The following UBE3C variants were observed in gnomAD, a reference collection of about 807,000 sequenced individuals.
UBE3C encodes ubiquitin-protein ligase E3C.
In UBE3C, 42 loss-of-function variants were observed where a neutral mutation model predicts 129.4. The observed-to-expected ratio is 0.32, with a 90% CI of 0.25 to 0.42. The LOEUF (loss-of-function observed/expected upper bound fraction) is 0.42, where lower values mean the gene tolerates loss of function less well. Ranked by LOEUF, UBE3C falls within the 10% of genes least tolerant of loss-of-function variation. The pLI, the probability that UBE3C is intolerant of heterozygous loss-of-function variation, is 1.00. For missense variants in UBE3C, 1,049 were observed against 1,319.1 expected, an observed-to-expected ratio of 0.80 and a Z score of 3.17; for synonymous variants, 510 against 492.4, an observed-to-expected ratio of 1.04 and a Z score of -0.47.
chr7:157,239,561 A>G (rs912632646), intron 18 of UBE3C, among the ~76,000 whole-genome samples: 2 of 152,172 alleles, frequency 1.3e-5, no homozygotes, highest in African/African-American at 4.8e-5. Flanking sequence ...GCTTGTGATT[A>G]GGGCACTCTG....
chr7:157,207,804 G>T lies in UBE3C; in HGVS notation c.1678G>T (p.Ala560Ser), dbSNP rs1476927439. The change falls in exon 13 of 23, where the codon GCT becomes TCT. Residue 560 changes from alanine (A) to serine (S), a missense_variant. Ala to Ser is a moderately conservative substitution (Grantham distance 99). This residue lies in a region of UBE3C where 314 missense variants were observed against 416.9 expected (regional missense o/e 0.75). Transcript: ENST00000348165. ...RDACLGIIKL[A>S]YPETKPEVRE... ...TGCATGCCTGGGGATCATCAAGTTG[G>T]CTTATCCAGAAACCAAGCCAGAAGT... The T allele has an allele frequency of 6.2e-7, 1 of 1,614,120 alleles. No individual in the cohort carries two copies. The highest frequency in any genetic ancestry group is 2.2e-5 in the East Asian group (1 of 44,884).
rs941328651 is a variant in UBE3C at position 157,139,211 on chromosome 7, G to C, written c.-62G>C. The C allele has an allele frequency of 7.7e-7, 1 of 1,305,726 alleles. No individual in the cohort carries two copies. The highest frequency in any genetic ancestry group is 3.1e-5 in the Admixed American group (1 of 31,980). 80.9% of individuals were successfully genotyped at this position (1,305,726 alleles called of 1,614,324 possible). Reference sequence around the variant, plus strand: ...CGCCGAGAGCCTCCCAGCCCGCCCCGTGCCCCGCCCGCCCGGCTGCTTCCG... The same window carrying C: ...CGCCGAGAGCCTCCCAGCCCGCCCCCTGCCCCGCCCGCCCGGCTGCTTCCG... On this transcript the variant is annotated 5_prime_UTR_variant, in exon 1 of 23. Coordinates refer to ENST00000348165, the MANE Select transcript of UBE3C (RefSeq NM_014671.3).
At chr7:157,214,401 C>T (rs932241621) in intron 13 of UBE3C, among the ~76,000 whole-genome samples, 1 of 152,056 alleles carries the variant, frequency 6.6e-6, no homozygotes, top group Non-Finnish European at 1.5e-5. Flanking sequence ...CTGATCTTTC[C>T]GTTGCCTGAC....
At chr7:157,230,953 T>C in intron 17 of UBE3C, 127 bp from the exon 18 acceptor site, 1 of 1,327,906 alleles carries the variant, frequency 7.5e-7, no homozygotes, top group Non-Finnish European at 1.0e-6. Context: ...CATTGCTGTT[T>C]TGAGTCCTAT....
chr7:157,165,981 A>G (rs911055220), intron 2 of UBE3C, among the ~76,000 whole-genome samples: 45 of 152,178 alleles, frequency 3.0e-4, no homozygotes, highest in African/African-American at 9.9e-4. Context: ...GACTTTAGAT[A>G]GTCTGATTAT....
chr7:157,220,678 GC>G lies in UBE3C; in HGVS notation c.1915-6del. 1 of 1,613,974 alleles carries G rather than the reference GC, an allele frequency of 6.2e-7. No individual in the cohort carries two copies. The stretch of plus-strand genomic sequence containing the variant: ...CACAGGGGAGTTCTGAACCAGGATT[GC>G]CCCCGACAGGTCACTCAGCTCTATG... On this transcript the variant is annotated splice_polypyrimidine_tract_variant and intron_variant, in intron 14 of 22. Coordinates refer to ENST00000348165, the MANE Select transcript of UBE3C (RefSeq NM_014671.3).
At chr7:157,183,327 C>T (rs977915532) in intron 8 of UBE3C, among the ~76,000 whole-genome samples, 4 of 152,166 alleles carry the variant, frequency 2.6e-5, no homozygotes, top group African/African-American at 9.7e-5. Flanking sequence ...CTCAGCCCCT[C>T]CTTGGGATTG....
intron 10 of UBE3C, among the ~76,000 whole-genome samples, chr7:157,192,101 T>A (rs1230639125): frequency 1.3e-5 from 2 of 152,226 alleles, no homozygotes; most frequent in African/African-American, 4.8e-5. Context: ...CTAGCTGTTG[T>A]TAGACACATC....
rs779936054 is a variant in UBE3C, at chr7:157,183,880, G to A, written c.994G>A (p.Ala332Thr). Residue 332 changes from alanine (A) to threonine (T), a missense_variant and splice_region_variant, in exon 9 of 23, where the codon GCC becomes ACC. Around this residue, in one of 4 missense-constraint regions of UBE3C, gnomAD observed 489 missense variants for 513.8 expected, o/e 0.95. Coordinates refer to ENST00000348165, the MANE Select transcript of UBE3C (RefSeq NM_014671.3). ...VLTVGENYLG[A>T]LSEEGLLVYL... Reference sequence around the variant, plus strand: ...TTTTAACTGATTGTTTTGCAAAGGGGCCCTCTCTGAGGAAGGGCTGCTGGT... The same window carrying A: ...TTTTAACTGATTGTTTTGCAAAGGGACCCTCTCTGAGGAAGGGCTGCTGGT... 1.9e-6 allele frequency: 3 copies of A among 1,612,144 alleles called. No homozygotes were observed. The highest frequency in any genetic ancestry group is 4.5e-5 in the East Asian group (2 of 44,834).
chr7:157,182,442 G>A (rs6459737), intron 8 of UBE3C, 114 bp downstream of exon 8: 409,861 of 1,061,194 alleles, frequency 0.39, 84,781 homozygotes, highest in African/African-American at 0.77. Context: ...CTCTCCTGGA[G>A]GAGTGTATTT....
At chr7:157,247,002 T>A (rs986165618) in intron 18 of UBE3C, among the ~76,000 whole-genome samples, 1 of 152,240 alleles carries the variant, frequency 6.6e-6, no homozygotes, top group Admixed American at 6.5e-5. Context: ...GCGATTCTCC[T>A]GCCTCAGCCT....
chr7:157,242,014 C>T (rs1258785654), intron 18 of UBE3C, among the ~76,000 whole-genome samples: 1 of 152,188 alleles, frequency 6.6e-6, no homozygotes, highest in Non-Finnish European at 1.5e-5. Flanking sequence ...CCAGGAGTGG[C>T]AGCTGAGGGA....
chr7:157,143,141 AC>A (rs1807504752), intron 1 of UBE3C, among the ~76,000 whole-genome samples: 2 of 152,114 alleles, frequency 1.3e-5, no homozygotes, highest in African/African-American at 4.8e-5. Context: ...TGCTGGGATT[AC>A]AGGTATGAGC....
chr7:157,158,779 C>T (rs1006427190), intron 1 of UBE3C, among the ~76,000 whole-genome samples: 16 of 151,974 alleles, frequency 1.1e-4, no homozygotes, highest in Admixed American at 4.6e-4. Context: ...TTTTCTAGCT[C>T]GTCAATTAGA....
At chr7:157,189,885 C>G in intron 10 of UBE3C, among the ~76,000 whole-genome samples, 1 of 152,148 alleles carries the variant, frequency 6.6e-6, no homozygotes, top group East Asian at 1.9e-4. Flanking sequence ...ACTGCAACCT[C>G]CACCTCCAGG....
At chr7:157,188,068 T>A (rs1001201795) in intron 10 of UBE3C, among the ~76,000 whole-genome samples, 1 of 152,210 alleles carries the variant, frequency 6.6e-6, no homozygotes, top group African/African-American at 2.4e-5. Flanking sequence ...TTGAGTGATA[T>A]GTTAGTGGTT....
chr7:157,223,110 C>T, intron 15 of UBE3C, 144 bp from the exon 16 acceptor site: 2 of 782,700 alleles, frequency 2.6e-6, no homozygotes, highest in South Asian at 3.2e-5. Context: ...ATGGGTCTGC[C>T]TGAGGCGGGG....
chr7:157,156,989 C>T (rs1312048431), intron 1 of UBE3C, among the ~76,000 whole-genome samples: 3 of 152,112 alleles, frequency 2.0e-5, no homozygotes, highest in Non-Finnish European at 4.4e-5. Context: ...GAGTCTTCAT[C>T]ATTAGACTTT....
At chr7:157,156,508 C>G (rs1388425920) in intron 1 of UBE3C, among the ~76,000 whole-genome samples, 1 of 151,452 alleles carries the variant, frequency 6.6e-6, no homozygotes, top group Non-Finnish European at 1.5e-5. Flanking sequence ...GGTTTCACTA[C>G]GTTGGCTGGG....
Sources: gnomAD v4.1 joint callset for allele counts (sites outside exome capture counted in the v4.1 genomes callset) on GRCh38, gnomAD v4.1.1 for gene constraint, gnomAD v4.1.1 regional missense constraint, MANE v1.5 for transcripts, NCBI Gene and HGNC (gene_info 2026-07-23, HGNC 2026-07-21) for gene names.